Variants in SCFD2 observed in about 807,000 individuals in gnomAD.
SCFD2 encodes sec1 family domain-containing protein 2.
Under a neutral mutation model 58.9 loss-of-function variants are expected in SCFD2, and 54 were observed. That is an observed-to-expected ratio of 0.92 (90% CI 0.74 to 1.15). SCFD2 has a LOEUF of 1.15. Ranked by LOEUF, SCFD2 falls within the 50% of genes most tolerant of loss-of-function variation. The pLI is 0.00. For missense variants in SCFD2, 805 were observed against 836.6 expected (o/e 0.96, Z 0.47); for synonymous variants, 321 against 335.9 (o/e 0.96, Z 0.49).
intron 7 of SCFD2, among the ~76,000 whole-genome samples, chr4:52,888,812 T>C (rs1439527135): frequency 6.6e-6 from 1 of 152,224 alleles, no homozygotes; most frequent in Non-Finnish European, 1.5e-5. Flanking sequence ...CCTCATCTTC[T>C]CATGTGCCTT....
At chr4:53,322,323 G>A (rs1577965996) in intron 2 of SCFD2, among the ~76,000 whole-genome samples, 1 of 152,236 alleles carries the variant, frequency 6.6e-6, no homozygotes, top group South Asian at 2.1e-4. Context: ...GAATTATAAT[G>A]CATTAGCATG....
intron 5 of SCFD2, among the ~76,000 whole-genome samples, chr4:52,947,698 A>G (rs1227450942): frequency 6.6e-6 from 1 of 152,050 alleles, no homozygotes; most frequent in Non-Finnish European, 1.5e-5. Context: ...CTACTTAGCA[A>G]ATGGTGTTCG....
chr4:53,135,815 T>C (rs894394606), intron 5 of SCFD2, among the ~76,000 whole-genome samples: 2 of 152,152 alleles, frequency 1.3e-5, no homozygotes, highest in Non-Finnish European at 2.9e-5. Context: ...AGACTATACA[T>C]CCCTGCCATT....
intron 5 of SCFD2, among the ~76,000 whole-genome samples, chr4:53,020,862 C>T (rs1016936091): frequency 6.6e-6 from 1 of 152,104 alleles, no homozygotes; most frequent in African/African-American, 2.4e-5. Flanking sequence ...CCTGTTCCTG[C>T]CCTTTGATGA....
At chr4:52,920,916 T>C (rs989162488) in intron 5 of SCFD2, 46 bp from the exon 6 acceptor site, 1 of 1,367,212 alleles carries the variant, frequency 7.3e-7, no homozygotes. Flanking sequence ...AATCTTTAAG[T>C]TTTCATCATG....
At chr4:53,337,526 A>T (rs201293744) in intron 2 of SCFD2, among the ~76,000 whole-genome samples, 1 of 152,168 alleles carries the variant, frequency 6.6e-6, no homozygotes, top group East Asian at 1.9e-4. Flanking sequence ...GTGGAAGTAA[A>T]ATGACATGTA....
intron 4 of SCFD2, among the ~76,000 whole-genome samples, chr4:53,221,611 T>G (rs1729049291): frequency 6.6e-6 from 1 of 152,228 alleles, no homozygotes; most frequent in African/African-American, 2.4e-5. Context: ...TGTCCAGATT[T>G]TGGATACAAT....
chr4:53,155,262 G>C (rs1726641615), intron 4 of SCFD2, among the ~76,000 whole-genome samples: 1 of 152,178 alleles, frequency 6.6e-6, no homozygotes, highest in African/African-American at 2.4e-5. Context: ...TATTGTAACA[G>C]TATTAAGAAG....
At chr4:53,183,828 A>G (rs1727658440) in intron 4 of SCFD2, among the ~76,000 whole-genome samples, 1 of 152,166 alleles carries the variant, frequency 6.6e-6, no homozygotes, top group South Asian at 2.1e-4. Context: ...ACAAAGTTGT[A>G]CTAGCTTTCA....
Position 53,044,918 on chromosome 4 carries a change from C to T in SCFD2, c.1561+100415G>A, listed in dbSNP as rs1193433811. Among the ~76,000 whole-genome samples the T allele has an allele frequency of 3.4e-5, 5 of 146,064 alleles. 1 individual carries two copies. Among genetic ancestry groups the T allele is most frequent in the African/African-American group, 5.2e-5 (2 of 38,108 alleles). On this transcript the variant is annotated intron_variant, in intron 5 of 8. Transcript: ENST00000401642. The stretch of plus-strand genomic sequence containing the variant: ...ACCTCCACCCCCAACCCCCCCCCCC[C>T]GCCCACAAAAAACTTGCTTTGAGTC...
chr4:53,005,729 T>TA (rs957939819), intron 5 of SCFD2, among the ~76,000 whole-genome samples: 2 of 152,168 alleles, frequency 1.3e-5, no homozygotes, highest in Middle Eastern at 3.4e-3. Context: ...GTATTACATT[T>TA]AAAAAAAGGA....
intron 2 of SCFD2, among the ~76,000 whole-genome samples, chr4:53,336,052 G>C (rs915170372): frequency 2.2e-4 from 33 of 152,242 alleles, no homozygotes; most frequent in Admixed American, 1.2e-3. Flanking sequence ...TTCTAAATAA[G>C]AGTAAAGCCA....
intron 5 of SCFD2, among the ~76,000 whole-genome samples, chr4:53,097,277 T>A (rs1724681600): frequency 6.6e-6 from 1 of 152,240 alleles, no homozygotes; most frequent in East Asian, 1.9e-4. Context: ...TTGATGGGGA[T>A]GGCATTGAAT....
chr4:53,184,223 G>C (rs1165861836), intron 4 of SCFD2, among the ~76,000 whole-genome samples: 1 of 152,008 alleles, frequency 6.6e-6, no homozygotes, highest in Non-Finnish European at 1.5e-5. Context: ...GTTACCTAGG[G>C]AAAAAGACCA....
chr4:52,940,013 C>T (rs979998527), intron 5 of SCFD2, among the ~76,000 whole-genome samples: 1 of 152,238 alleles, frequency 6.6e-6, no homozygotes, highest in Non-Finnish European at 1.5e-5. Context: ...AAGCAGGGAG[C>T]CTACATTCCC....
chr4:52,879,477 C>T (rs893514889), intron 8 of SCFD2, among the ~76,000 whole-genome samples: 2 of 152,204 alleles, frequency 1.3e-5, no homozygotes, highest in African/African-American at 2.4e-5. Context: ...AGATGCAGCT[C>T]ATTCACCAAC....
chr4:53,076,377 G>A (rs1156528707), intron 5 of SCFD2, among the ~76,000 whole-genome samples: 1 of 152,118 alleles, frequency 6.6e-6, no homozygotes, highest in East Asian at 1.9e-4. Flanking sequence ...AAGACAGAAT[G>A]GCAGGCAAGA....
intron 5 of SCFD2, among the ~76,000 whole-genome samples, chr4:53,121,293 C>G (rs1725470847): frequency 6.6e-6 from 1 of 152,170 alleles, no homozygotes; most frequent in South Asian, 2.1e-4. Context: ...CTGGGGTGGG[C>G]TGGGAGCACA....
chr4:52,876,526 G>T (rs1274894403), intron 8 of SCFD2, among the ~76,000 whole-genome samples: 1 of 151,976 alleles, frequency 6.6e-6, no homozygotes, highest in African/African-American at 2.4e-5. Flanking sequence ...GATTTGGGTG[G>T]ATCACCTGAG....
Sources: gnomAD v4.1 joint callset for allele counts (sites outside exome capture counted in the v4.1 genomes callset) on GRCh38, gnomAD v4.1.1 for gene constraint, MANE v1.5 for transcripts, NCBI Gene and HGNC (gene_info 2026-07-23, HGNC 2026-07-21) for gene names.